Variants in NKAIN2 observed in about 807,000 individuals in gnomAD.
NKAIN2 encodes sodium/potassium-transporting ATPase subunit beta-1-interacting protein 2.
NKAIN2 carries 14 observed loss-of-function variants against 32.6 expected under a neutral mutation model. The ratio of observed to expected loss-of-function variants is 0.43; its 90% CI spans 0.28 to 0.67. The LOEUF (loss-of-function observed/expected upper bound fraction) is 0.67. Ranked by LOEUF, NKAIN2 falls within the 30% of genes least tolerant of loss-of-function variation. The pLI is 0.17. For missense variants in NKAIN2, 198 were observed against 258.3 expected, an observed-to-expected ratio of 0.77 and a Z score of 1.60; for synonymous variants, 80 against 87.2, an observed-to-expected ratio of 0.92 and a Z score of 0.46.
rs1263410926 is a variant in NKAIN2, at chr6:124,694,894, T to C, written c.474+36508T>C. Among the ~76,000 whole-genome samples the C allele has an allele frequency of 3.3e-5, 5 of 152,184 alleles. No homozygotes were observed. In the East Asian group the frequency reaches 9.6e-4, roughly 29 times the overall value. ...TAAATTTAATAAAAATATTTGGGTT[T>C]TGTTTTACCCAAAAGTATACAAATA... On this transcript the variant is annotated intron_variant, in intron 4 of 6. Coordinates refer to ENST00000368417, the MANE Select transcript of NKAIN2 (RefSeq NM_001040214.3).
At chr6:124,248,944 C>G (rs1793555508) in intron 1 of NKAIN2, among the ~76,000 whole-genome samples, 1 of 152,094 alleles carries the variant, frequency 6.6e-6, no homozygotes, top group Non-Finnish European at 1.5e-5. Flanking sequence ...TCAGAGCATC[C>G]TATTCTATAC....
At chr6:124,544,696 C>A (rs1780032125) in intron 3 of NKAIN2, among the ~76,000 whole-genome samples, 1 of 151,802 alleles carries the variant, frequency 6.6e-6, no homozygotes, top group Non-Finnish European at 1.5e-5. Context: ...TGATTAAATA[C>A]AATGAGTTCT....
At chr6:124,004,829 G>A (rs1780010546) in intron 1 of NKAIN2, among the ~76,000 whole-genome samples, 1 of 150,210 alleles carries the variant, frequency 6.7e-6, no homozygotes, top group African/African-American at 2.5e-5. Context: ...CCTGCACGTT[G>A]TGCACATGTA....
chr6:124,474,188 T>C (rs1383849122), intron 3 of NKAIN2, among the ~76,000 whole-genome samples: 5 of 151,896 alleles, frequency 3.3e-5, no homozygotes, highest in Non-Finnish European at 5.9e-5. Flanking sequence ...TAGAGCTCTA[T>C]TTAAAGGAAA....
At chr6:124,796,135 A>C (rs563194812) in intron 5 of NKAIN2, among the ~76,000 whole-genome samples, 1 of 152,248 alleles carries the variant, frequency 6.6e-6, no homozygotes, top group Admixed American at 6.5e-5. Context: ...ATTAGATGTG[A>C]CACTCCTTCC....
intron 1 of NKAIN2, among the ~76,000 whole-genome samples, chr6:124,251,809 A>G (rs1013342449): frequency 6.6e-6 from 1 of 151,984 alleles, no homozygotes; most frequent in East Asian, 1.9e-4. Flanking sequence ...AAAATGTTTG[A>G]TATTACCTAA....
At chr6:124,542,472 G>C (rs1012483455) in intron 3 of NKAIN2, among the ~76,000 whole-genome samples, 3 of 152,170 alleles carry the variant, frequency 2.0e-5, no homozygotes, top group Admixed American at 2.0e-4. Context: ...TAAGTGGGCA[G>C]TTGTCTAGAG....
At chr6:124,256,492 C>A (rs959389171) in intron 1 of NKAIN2, among the ~76,000 whole-genome samples, 1 of 152,056 alleles carries the variant, frequency 6.6e-6, no homozygotes, top group Non-Finnish European at 1.5e-5. Flanking sequence ...ATCTTCAATG[C>A]CATTACCAGA....
intron 2 of NKAIN2, among the ~76,000 whole-genome samples, chr6:124,283,665 G>T (rs1440265200): frequency 1.3e-5 from 2 of 152,074 alleles, no homozygotes; most frequent in African/African-American, 4.8e-5. Context: ...GAAGTATTTT[G>T]CATTCCCACT....
Position 124,650,204 on chromosome 6 carries a change from A to AT in NKAIN2, c.274-7977dup, listed in dbSNP as rs561489895. 4.0e-3 allele frequency among the ~76,000 whole-genome samples: 614 copies of AT among 152,252 alleles called. 1 individual carries two copies. The highest frequency in any genetic ancestry group is 0.014 in the African/African-American group (594 of 41,546). ...AGATTAGGAAGGAAGAGATAAAACT[A>AT]TTTTTGCTCACAGATAAAATGATTG... is the stretch of plus-strand genomic sequence containing the variant. On this transcript the variant is annotated intron_variant, in intron 3 of 6. Transcript: ENST00000368417.
chr6:124,569,196 GCTTT>G (rs1241175096), intron 3 of NKAIN2, among the ~76,000 whole-genome samples: 2 of 152,064 alleles, frequency 1.3e-5, no homozygotes, highest in African/African-American at 4.8e-5. Context: ...CTTCTTTCCT[GCTTT>G]CTATCTTGGA....
At chr6:124,399,915 T>A (rs181691476) in intron 3 of NKAIN2, among the ~76,000 whole-genome samples, 1 of 152,308 alleles carries the variant, frequency 6.6e-6, no homozygotes, top group East Asian at 1.9e-4. Context: ...TTTCTATGAA[T>A]GAATGATAAA....
intron 5 of NKAIN2, among the ~76,000 whole-genome samples, chr6:124,796,696 C>T (rs1380986970): frequency 1.3e-5 from 2 of 152,142 alleles, no homozygotes; most frequent in Non-Finnish European, 2.9e-5. Flanking sequence ...GAGGTCCCTG[C>T]TCTAGAGGAT....
intron 1 of NKAIN2, among the ~76,000 whole-genome samples, chr6:124,147,338 A>G (rs1330794334): frequency 2.0e-5 from 3 of 152,158 alleles, no homozygotes; most frequent in Non-Finnish European, 4.4e-5. Flanking sequence ...TGGGTGCTGC[A>G]GTTTTGCTCT....
At chr6:124,283,810 A>C (rs1795420299) in intron 2 of NKAIN2, among the ~76,000 whole-genome samples, 1 of 151,546 alleles carries the variant, frequency 6.6e-6, no homozygotes, top group Non-Finnish European at 1.5e-5. Flanking sequence ...ATTAATGTAC[A>C]TTTTTTTCTT....
chr6:124,087,495 C>T (rs1316196730), intron 1 of NKAIN2, among the ~76,000 whole-genome samples: 1 of 151,906 alleles, frequency 6.6e-6, no homozygotes, highest in African/African-American at 2.4e-5. Context: ...TCACAGATGA[C>T]ATAATTGTCT....
At chr6:124,343,587 A>G (rs1381942486) in intron 2 of NKAIN2, among the ~76,000 whole-genome samples, 3 of 151,984 alleles carry the variant, frequency 2.0e-5, no homozygotes, top group African/African-American at 7.2e-5. Flanking sequence ...GTCAGTGATG[A>G]TGAGCATGTT....
Position 123,990,791 on chromosome 6 carries a change from G to A in NKAIN2, c.54+186537G>A, listed in dbSNP as rs75591048. Among the ~76,000 whole-genome samples the A allele has an allele frequency of 1.8e-3, 269 of 152,212 alleles. 1 individual carries two copies. Among genetic ancestry groups the A allele is most frequent in the Non-Finnish European group, 3.1e-3 (213 of 68,014 alleles). On this transcript the variant is annotated intron_variant, in intron 1 of 6. Coordinates refer to ENST00000368417, the MANE Select transcript of NKAIN2 (RefSeq NM_001040214.3). Reference sequence around the variant, plus strand: ...ATGTAATCAGAAATGTTACCTTTGCGATAAGGAGTTCCTGTACTGCTCTCT... The same window carrying A: ...ATGTAATCAGAAATGTTACCTTTGCAATAAGGAGTTCCTGTACTGCTCTCT...
intron 6 of NKAIN2, among the ~76,000 whole-genome samples, chr6:124,822,522 A>G (rs544085680): frequency 4.6e-5 from 7 of 152,274 alleles, no homozygotes; most frequent in Non-Finnish European, 7.4e-5. Flanking sequence ...AAAGCTTTGA[A>G]AACACTGCTG....
Sources: allele counts gnomAD v4.1 joint callset (sites outside exome capture counted in the v4.1 genomes callset), GRCh38; gene constraint gnomAD v4.1.1; transcripts MANE v1.5; gene names NCBI Gene and HGNC (gene_info 2026-07-23, HGNC 2026-07-21).